Variants in PEX5 observed in about 807,000 individuals in gnomAD.
The protein encoded by PEX5 is peroxisomal biogenesis factor 5.
Under a neutral mutation model 82.9 loss-of-function variants are expected in PEX5, and 52 were observed. The ratio of observed to expected loss-of-function variants is 0.63; its 90% CI spans 0.50 to 0.79. The LOEUF (loss-of-function observed/expected upper bound fraction) is 0.79. Ranked by LOEUF, PEX5 falls within the 30% of genes least tolerant of loss-of-function variation. PEX5 has a pLI of 0.00. For synonymous variants in PEX5, 300 were observed against 318.8 expected, an observed-to-expected ratio of 0.94 and a Z score of 0.63; for missense variants, 719 against 815.2, an observed-to-expected ratio of 0.88 and a Z score of 1.44.
Position 7,199,033 on chromosome 12 carries a change from C to T in PEX5, c.471C>T (p.Ala157=), listed in dbSNP as rs144331955. The T allele has an allele frequency of 1.6e-4, 251 of 1,606,468 alleles. 1 individual carries two copies. In the African/African-American group the frequency reaches 3.0e-3, roughly 19 times the overall value. ...EVTDPLSVSP[A]RWAEEYLEQS... ...CAGACCCCTTGTCTGTGTCCCCTGC[C>T]CGCTGGGCTGAGGAATATTTGGAGC... The change falls in exon 6 of 16, where the codon GCC becomes GCT. Residue 157 remains alanine, a synonymous_variant. Coordinates refer to ENST00000675855, the MANE Select transcript of PEX5 (RefSeq NM_001351132.2).
At chr12:7,205,578 C>A (rs771982946) in intron 10 of PEX5, among the ~76,000 whole-genome samples, 2 of 152,072 alleles carry the variant, frequency 1.3e-5, no homozygotes, top group Non-Finnish European at 2.9e-5. Flanking sequence ...CAGACCAGAC[C>A]GTGTATCAGA....
intron 5 of PEX5, among the ~76,000 whole-genome samples, chr12:7,194,490 T>A (rs930955186): frequency 6.6e-6 from 1 of 152,198 alleles, no homozygotes; most frequent in Admixed American, 6.5e-5. Flanking sequence ...GTGTGTGTGT[T>A]TTTTGCAATT....
At chr12:7,207,977 AT>A in intron 11 of PEX5, 32 bp from the exon 12 acceptor site, 1 of 1,582,680 alleles carries the variant, frequency 6.3e-7, no homozygotes, top group Non-Finnish European at 8.7e-7. Context: ...AGAGGTGAAT[AT>A]GGGGTGATGG....
intron 5 of PEX5, among the ~76,000 whole-genome samples, chr12:7,196,047 T>G (rs978243717): frequency 3.4e-5 from 5 of 147,068 alleles, no homozygotes; most frequent in Admixed American, 6.9e-5. Context: ...ATATATTATA[T>G]ATACATTTTA....
chr12:7,216,689 A>G (rs1050325581), intron 17 of PEX5, among the ~76,000 whole-genome samples: 10 of 152,220 alleles, frequency 6.6e-5, no homozygotes, highest in Admixed American at 6.5e-4. Flanking sequence ...GTCAAAAACA[A>G]AACAACTTTT....
rs1427639236 is a variant in PEX5 at position 7,203,223 on chromosome 12, A to G, written c.847-209A>G. 1.9e-5 allele frequency among the ~76,000 whole-genome samples: 2 copies of G among 106,584 alleles called. 1 individual carries two copies. The highest frequency in any genetic ancestry group is 4.1e-5 in the Non-Finnish European group (2 of 48,710). 69.9% of individuals were successfully genotyped at this position (106,584 alleles called of 152,430 possible). A position where few individuals can be genotyped will look rare whatever the true frequency, so the allele number is the denominator to read the frequency against. ...GCACTGCACTGCACTGCACTGCACT[A>G]CATTACATTTCTGGCCATCACCCCA... On this transcript the variant is annotated intron_variant, in intron 9 of 15. Coordinates refer to ENST00000675855, the MANE Select transcript of PEX5 (RefSeq NM_001351132.2).
Position 7,210,638 on chromosome 12 carries a change from AAG to A in PEX5, c.*416_*417del. 1 of 328,352 alleles carries A rather than the reference AAG, an allele frequency of 3.0e-6. No homozygotes were observed. Among genetic ancestry groups the A allele is most frequent in the Non-Finnish European group, 5.9e-6 (1 of 169,018 alleles). The allele number at this position is 328,352 out of a possible 1,614,324, so 20.3% of individuals were successfully genotyped here. On this transcript the variant is annotated 3_prime_UTR_variant, in exon 16 of 16. Coordinates refer to ENST00000675855, the MANE Select transcript of PEX5 (RefSeq NM_001351132.2). The stretch of plus-strand genomic sequence containing the variant: ...ATAGTCCAGCTTCCTTGGGCAGTGT[AAG>A]TAGGAGGTTCATCTGCTGTGCGCCT...
intron 17 of PEX5, among the ~76,000 whole-genome samples, chr12:7,217,756 C>A (rs1945818600): frequency 6.6e-6 from 1 of 152,216 alleles, no homozygotes. Flanking sequence ...GCAGCCTCCA[C>A]CCATACACCC....
chr12:7,208,429 T>G, intron 12 of PEX5, 28 bp from the exon 13 acceptor site: 1 of 1,562,220 alleles, frequency 6.4e-7, no homozygotes, highest in Non-Finnish European at 8.8e-7. Context: ...ATTGCAGATA[T>G]CAAGTCTGCC....
At chr12:7,203,977 GTTC>G (rs398116056) in intron 10 of PEX5, among the ~76,000 whole-genome samples, 4 of 140,818 alleles carry the variant, frequency 2.8e-5, no homozygotes, top group African/African-American at 9.8e-5. Context: ...TTCATTTTAA[GTTC>G]TTATCTTTTA....
intron 4 of PEX5, 59 bp from the exon 5 acceptor site, chr12:7,191,510 A>G: frequency 1.2e-6 from 2 of 1,606,338 alleles, no homozygotes; most frequent in Admixed American, 1.7e-5. Flanking sequence ...AGGGTTCTTT[A>G]GGCATGATGG....
downstream of PEX5, among the ~76,000 whole-genome samples, chr12:7,213,980 C>T (rs973737209): frequency 3.4e-5 from 4 of 116,312 alleles, no homozygotes; most frequent in African/African-American, 1.0e-4. Flanking sequence ...AAATGCTCAC[C>T]ATCACTGGCC....
intron 5 of PEX5, among the ~76,000 whole-genome samples, chr12:7,196,518 GTAA>G (rs370348475): frequency 0.031 from 1,557 of 50,986 alleles, 87 homozygotes; most frequent in Middle Eastern, 0.094. Context: ...CACATATAAT[GTAA>G]TAATTATATA....
downstream of PEX5, chr12:7,211,596 C>T (rs1181874518): frequency 6.6e-6 from 1 of 152,144 alleles, no homozygotes; most frequent in Non-Finnish European, 1.5e-5. Flanking sequence ...ACCTGCTCAT[C>T]CCTCTAAAAA....
intron 9 of PEX5, 132 bp from the exon 10 acceptor site, chr12:7,203,300 A>G: frequency 9.1e-7 from 1 of 1,095,982 alleles, no homozygotes; most frequent in Non-Finnish European, 1.3e-6. Context: ...CATTTTAAAA[A>G]ACTTATTCAG....
intron 6 of PEX5, 124 bp from the exon 7 acceptor site, chr12:7,201,627 A>AG: frequency 1.3e-6 from 1 of 753,456 alleles, no homozygotes; most frequent in Non-Finnish European, 2.4e-6. Context: ...TGGAGTTTGT[A>AG]GGTTCTCAAC....
In PEX5 at chr12:7,202,398, C is replaced by T. The variant is rs1944202942; in HGVS notation, c.753+47C>T. The T allele has an allele frequency of 1.2e-6, 2 of 1,608,214 alleles. 1 individual carries two copies. Among genetic ancestry groups the T allele is most frequent in the South Asian group, 2.2e-5 (2 of 90,568 alleles). ...GTCCCACTTCAGAGCCAGCTGATGC[C>T]CCAGGCCATGGGTTCAGTGGTCAGT... is the stretch of plus-strand genomic sequence containing the variant. On this transcript the variant is annotated intron_variant, in intron 8 of 15. Coordinates refer to ENST00000675855, the MANE Select transcript of PEX5 (RefSeq NM_001351132.2).
intron 6 of PEX5, among the ~76,000 whole-genome samples, chr12:7,201,135 G>GCA (rs113517645): frequency 0.069 from 8,443 of 121,676 alleles, 746 homozygotes; most frequent in African/African-American, 0.2. Context: ...ATGTGTGCGT[G>GCA]CACACACACA....
downstream of PEX5, among the ~76,000 whole-genome samples, chr12:7,214,869 G>A (rs959577734): frequency 3.3e-5 from 5 of 151,844 alleles, no homozygotes; most frequent in African/African-American, 1.2e-4. Flanking sequence ...TACTGATAAT[G>A]ATATCAGTAT....
Sources: gnomAD v4.1 joint callset for allele counts (sites outside exome capture counted in the v4.1 genomes callset) on GRCh38, gnomAD v4.1.1 for gene constraint, MANE v1.5 for transcripts, NCBI Gene and HGNC (gene_info 2026-07-23, HGNC 2026-07-21) for gene names.